Variants in DPP6 observed in about 807,000 individuals in gnomAD.
DPP6 encodes dipeptidyl peptidase like 6, also known as A-type potassium channel modulatory protein DPP6.
A neutral mutation model predicts 122.6 loss-of-function variants in DPP6; 69 were observed. The ratio of observed to expected loss-of-function variants is 0.56; its 90% CI spans 0.46 to 0.69. The LOEUF (loss-of-function observed/expected upper bound fraction) is 0.69. DPP6 is among the 30% of genes least tolerant of loss of function. DPP6 has a pLI of 0.00. For synonymous variants in DPP6, 418 were observed against 433.1 expected (o/e 0.97, Z 0.43); for missense variants, 928 against 1,116.9 (o/e 0.83, Z 2.41).
chr7:153,942,832 C>A (rs1341452738), intron 1 of DPP6, among the ~76,000 whole-genome samples: 1 of 152,182 alleles, frequency 6.6e-6, no homozygotes, highest in Non-Finnish European at 1.5e-5. Flanking sequence ...CTCATCAGCA[C>A]TTTTACCTGT....
Position 154,885,772 on chromosome 7 carries a change from G to C in DPP6, c.2245+28G>C, listed in dbSNP as rs377519589. 1.3e-4 allele frequency: 201 copies of C among 1,559,534 alleles called. No individual in the cohort carries two copies. In the African/African-American group the frequency reaches 2.2e-3, roughly 17 times the overall value. On this transcript the variant is annotated intron_variant, in intron 22 of 25. Transcript: ENST00000377770. ...AAATAGCCCTGCAGGACCAAGCGAC[G>C]GGCTCTGCTCCCGCCCCGCCCCGCC...
intron 16 of DPP6, among the ~76,000 whole-genome samples, chr7:154,843,162 C>T (rs1238271841): frequency 1.3e-5 from 2 of 152,148 alleles, no homozygotes; most frequent in Admixed American, 6.5e-5. Context: ...ATTAGCCAGG[C>T]GTGGTGGCGC....
intron 1 of DPP6, among the ~76,000 whole-genome samples, chr7:154,354,862 A>C (rs1319436494): frequency 3.7e-4 from 56 of 152,242 alleles, no homozygotes; most frequent in Non-Finnish European, 7.3e-5. Context: ...TCAGTGCATA[A>C]GTGCATGCGT....
chr7:154,493,646 C>T (rs1430845426), intron 3 of DPP6, among the ~76,000 whole-genome samples: 1 of 152,120 alleles, frequency 6.6e-6, no homozygotes, highest in East Asian at 1.9e-4. Flanking sequence ...CTTATTCATT[C>T]TAAGAAATTA....
intron 1 of DPP6, among the ~76,000 whole-genome samples, chr7:154,190,183 T>C (rs929499629): frequency 2.2e-4 from 33 of 152,232 alleles, no homozygotes; most frequent in African/African-American, 4.6e-4. Context: ...TTCACTGATA[T>C]ACTAGGTGCA....
At chr7:154,378,171 A>G (rs568082335) in intron 1 of DPP6, among the ~76,000 whole-genome samples, 81 of 152,342 alleles carry the variant, frequency 5.3e-4, no homozygotes, top group Middle Eastern at 3.4e-3. Flanking sequence ...TTGAATGAAT[A>G]CATGCCATTT....
At chr7:153,912,131 G>A (rs544911615) in intron 1 of DPP6, among the ~76,000 whole-genome samples, 126 of 152,248 alleles carry the variant, frequency 8.3e-4, no homozygotes, top group African/African-American at 3.0e-3. Context: ...TGTACACTAA[G>A]TAGAATCAAT....
At chr7:154,046,308 C>T (rs562242232) in intron 1 of DPP6, among the ~76,000 whole-genome samples, 4 of 152,314 alleles carry the variant, frequency 2.6e-5, no homozygotes, top group African/African-American at 9.6e-5. Flanking sequence ...ATCATGTCCA[C>T]GCACATCCCA....
intron 1 of DPP6, among the ~76,000 whole-genome samples, chr7:153,969,351 G>A (rs1309632813): frequency 5.9e-4 from 5 of 8,506 alleles, no homozygotes; most frequent in Non-Finnish European, 8.6e-4. Flanking sequence ...TGAGGAGGGT[G>A]ATTTTGACAG....
At chr7:154,710,205 G>A (rs981890603) in intron 7 of DPP6, among the ~76,000 whole-genome samples, 1 of 152,202 alleles carries the variant, frequency 6.6e-6, no homozygotes, top group Non-Finnish European at 1.5e-5. Flanking sequence ...AGGAGCCAGG[G>A]GCATGGCTTC....
chr7:154,826,474 G>C (rs918592183), intron 16 of DPP6, among the ~76,000 whole-genome samples: 4 of 151,956 alleles, frequency 2.6e-5, no homozygotes, highest in Non-Finnish European at 5.9e-5. Context: ...ATTATTTTAC[G>C]GACTCATGGA....
At chr7:154,272,609 C>T (rs1376763160) in intron 1 of DPP6, among the ~76,000 whole-genome samples, 4 of 152,114 alleles carry the variant, frequency 2.6e-5, no homozygotes, top group Non-Finnish European at 5.9e-5. Flanking sequence ...TTTTTAAAAT[C>T]CCATTATGAG....
Position 154,052,742 on chromosome 7 carries a change from G to A in DPP6, c.-79G>A, listed in dbSNP as rs1800454121. 1.5e-6 allele frequency: 2 copies of A among 1,324,534 alleles called. No individual in the cohort carries two copies. Among genetic ancestry groups the A allele is most frequent in the Non-Finnish European group, 2.0e-6 (2 of 1,017,624 alleles). 82.0% of individuals were successfully genotyped at this position (1,324,534 alleles called of 1,614,324 possible). A position where few individuals can be genotyped will look rare whatever the true frequency, so the allele number is the denominator to read the frequency against. ...CGCCTTTTTTTTTTTTTAATCTGGA[G>A]CGGGGTGGGGAGTGGGAACCGGAGA... On this transcript the variant is annotated 5_prime_UTR_variant, in exon 1 of 26. Transcript: ENST00000377770. The surrounding 1 kb of genome is among the most constrained non-coding windows in gnomAD (Gnocchi z 4.8).
chr7:154,007,945 G>A (rs1473779638), intron 1 of DPP6, among the ~76,000 whole-genome samples: 2 of 152,192 alleles, frequency 1.3e-5, no homozygotes, highest in Non-Finnish European at 2.9e-5. Context: ...CTGAACTGAG[G>A]CATACCATGC....
intron 8 of DPP6, among the ~76,000 whole-genome samples, chr7:154,750,911 G>A (rs539486649): frequency 7.2e-5 from 11 of 152,318 alleles, no homozygotes; most frequent in Admixed American, 5.2e-4. Context: ...CACAGGCGCT[G>A]AGGGGATGGG....
At chr7:154,704,897 T>C (rs946052258) in intron 7 of DPP6, among the ~76,000 whole-genome samples, 1 of 152,220 alleles carries the variant, frequency 6.6e-6, no homozygotes, top group African/African-American at 2.4e-5. Flanking sequence ...CATGCCTGTA[T>C]ATGGCTTTCT....
At chr7:153,997,817 G>A (rs1225061750) in intron 1 of DPP6, among the ~76,000 whole-genome samples, 2 of 150,958 alleles carry the variant, frequency 1.3e-5, no homozygotes, top group Admixed American at 6.6e-5. Context: ...GCAGGTCTGC[G>A]TTCATGCCAC....
intron 1 of DPP6, among the ~76,000 whole-genome samples, chr7:154,418,739 G>T (rs1357747998): frequency 6.6e-6 from 1 of 152,184 alleles, no homozygotes; most frequent in Admixed American, 6.5e-5. Flanking sequence ...AATTTGTAAT[G>T]ACCTTTATAT....
intron 1 of DPP6, among the ~76,000 whole-genome samples, chr7:154,239,415 T>C (rs1283304250): frequency 2.6e-5 from 4 of 152,158 alleles, no homozygotes; most frequent in Non-Finnish European, 5.9e-5. Flanking sequence ...CTCTTCCTCC[T>C]CCTCATCCTA....
Sources: allele counts gnomAD v4.1 joint callset (sites outside exome capture counted in the v4.1 genomes callset), GRCh38; gene constraint gnomAD v4.1.1; non-coding constraint Gnocchi (gnomAD v3.1); transcripts MANE v1.5; gene names NCBI Gene and HGNC (gene_info 2026-07-23, HGNC 2026-07-21).